The following MRTFB variants were observed in gnomAD, a reference collection of about 807,000 sequenced individuals.
The protein encoded by MRTFB is myocardin related transcription factor B.
In MRTFB, 29 loss-of-function variants were observed where a neutral mutation model predicts 104.2. That is an observed-to-expected ratio of 0.28 (90% CI 0.21 to 0.38). MRTFB has a LOEUF of 0.38. MRTFB is among the 10% of genes least tolerant of loss of function. The pLI, the probability that MRTFB is intolerant of heterozygous loss-of-function variation, is 1.00. For missense variants in MRTFB, 1,270 were observed against 1,341.6 expected, an observed-to-expected ratio of 0.95 and a Z score of 0.83; for synonymous variants, 535 against 519.5, an observed-to-expected ratio of 1.03 and a Z score of -0.41.
chr16:14,223,123 A>C (rs2041814701), intron 8 of MRTFB, among the ~76,000 whole-genome samples: 1 of 152,174 alleles, frequency 6.6e-6, no homozygotes, highest in Non-Finnish European at 1.5e-5. Flanking sequence ...CCTGGGCATC[A>C]TAGTGAGACC....
rs898213306 is a variant in MRTFB, at chr16:14,137,492, T to C, written c.-63-3052T>C. On this transcript the variant is annotated intron_variant, in intron 2 of 16. Transcript: ENST00000571589. The stretch of plus-strand genomic sequence containing the variant: ...CATTAGCACTGATGTTCAGAGCTTG[T>C]ACATCTTTCAATTATAAGGGCATTA... Among the ~76,000 whole-genome samples the C allele has an allele frequency of 4.6e-5, 7 of 152,200 alleles. No individual in the cohort carries two copies. The East Asian group carries it at 1.3e-3, about 29-fold the overall frequency.
intron 3 of MRTFB, among the ~76,000 whole-genome samples, chr16:14,207,228 G>C (rs144792135): frequency 1.2e-3 from 184 of 152,254 alleles, no homozygotes; most frequent in African/African-American, 4.2e-3. Flanking sequence ...TGATGAGAGC[G>C]TTAATTGGGG....
At chr16:14,254,730 C>T (rs78460427) in intron 15 of MRTFB, among the ~76,000 whole-genome samples, 2,979 of 152,324 alleles carry the variant, frequency 0.02, 113 homozygotes, top group African/African-American at 0.068. Context: ...CTGAGAATAA[C>T]AGCAGAATTC....
chr16:14,219,068 TAC>T lies in MRTFB; in HGVS notation c.693+73_693+74del, dbSNP rs1169673041. 3 of 1,386,114 alleles carry T rather than the reference TAC, an allele frequency of 2.2e-6. No homozygotes were observed. The African/African-American group carries it at 4.4e-5, about 20-fold the overall frequency. 85.9% of individuals were successfully genotyped at this position (1,386,114 alleles called of 1,614,324 possible). ...GTTTTTTTTTAATATATTAAGGTAA[TAC>T]ACTTTGACCAGAAGAAAATTCTGAA... On this transcript the variant is annotated intron_variant, in intron 8 of 16. Coordinates refer to ENST00000571589, the MANE Select transcript of MRTFB (RefSeq NM_001308142.2).
Position 14,212,391 on chromosome 16 carries a change from A to G in MRTFB, c.258A>G (p.Lys86=). 6.2e-7 allele frequency: 1 copy of G among 1,613,940 alleles called. No individual in the cohort carries two copies. Among genetic ancestry groups the G allele is most frequent in the Non-Finnish European group, 8.5e-7 (1 of 1,179,872 alleles). ...CAGCGGCATTCCATGAACAGATAAA[A>G]AGCTTGGAACGAGCCAGAGTAAGAC... ...KSPAAFHEQI[K]SLERARTENF... is the part of the protein sequence containing the mutation. Residue 86 remains lysine, a synonymous_variant, in exon 5 of 17, where the codon AAA becomes AAG. Coordinates refer to ENST00000571589, the MANE Select transcript of MRTFB (RefSeq NM_001308142.2).
intron 2 of MRTFB, among the ~76,000 whole-genome samples, chr16:14,098,575 T>C (rs2035524817): frequency 6.6e-6 from 1 of 152,222 alleles, no homozygotes; most frequent in Admixed American, 6.5e-5. Context: ...GTTCAATTTA[T>C]CAATTTTTTA....
chr16:14,037,095 T>A, the MRTFB span, among the ~76,000 whole-genome samples: 1 of 152,186 alleles, frequency 6.6e-6, no homozygotes, highest in African/African-American at 2.4e-5. Flanking sequence ...AGACCAGATG[T>A]GGCCGATGGG....
At chr16:14,106,236 TG>T (rs2035969109) in intron 2 of MRTFB, among the ~76,000 whole-genome samples, 1 of 151,944 alleles carries the variant, frequency 6.6e-6, no homozygotes, top group Non-Finnish European at 1.5e-5. Context: ...TGGCAGTGAG[TG>T]CCAGGTGCAG....
At chr16:14,132,389 G>A (rs945067153) in intron 2 of MRTFB, among the ~76,000 whole-genome samples, 3 of 151,766 alleles carry the variant, frequency 2.0e-5, no homozygotes, top group East Asian at 1.9e-4. Context: ...ATTAAAAGAC[G>A]ACCAAATTTT....
the MRTFB span, among the ~76,000 whole-genome samples, chr16:14,006,300 G>A: frequency 3.1e-3 from 468 of 152,096 alleles, 3 homozygotes; most frequent in African/African-American, 0.011. Context: ...CCGAGATTGT[G>A]TCATTGCACT....
At chr16:14,012,258 T>C in the MRTFB span, among the ~76,000 whole-genome samples, 1 of 148,920 alleles carries the variant, frequency 6.7e-6, no homozygotes, top group Non-Finnish European at 1.5e-5. Context: ...AGACAGAGTC[T>C]CGGGCAGGCA....
chr16:14,217,403 T>C, intron 7 of MRTFB, 116 bp downstream of exon 7: 1 of 844,662 alleles, frequency 1.2e-6, no homozygotes, highest in East Asian at 2.6e-5. Flanking sequence ...CTGGGTTAAT[T>C]AGAAATTAAC....
intron 6 of MRTFB, chr16:14,214,788 G>C (rs761704423): frequency 6.6e-6 from 1 of 152,210 alleles, no homozygotes; most frequent in Non-Finnish European, 1.5e-5. Flanking sequence ...GAACTTCGAA[G>C]CATCAAGGTG....
chr16:14,235,425 C>G (rs781743459), intron 9 of MRTFB, among the ~76,000 whole-genome samples: 11 of 152,206 alleles, frequency 7.2e-5, no homozygotes, highest in Non-Finnish European at 1.2e-4. Context: ...CACAGAGGGT[C>G]TGCGTGCACA....
chr16:14,142,960 G>C (rs753675986), intron 3 of MRTFB: 19 of 152,194 alleles, frequency 1.2e-4, no homozygotes, highest in Non-Finnish European at 2.5e-4. Context: ...TAGAAGGATT[G>C]CTTTAACCAC....
chr16:14,158,776 A>G (rs953704593), intron 3 of MRTFB, among the ~76,000 whole-genome samples: 2 of 152,136 alleles, frequency 1.3e-5, no homozygotes, highest in African/African-American at 4.8e-5. Context: ...TACCTTGTTG[A>G]ACTTGCCTAG....
At chr16:14,038,018 C>A in the MRTFB span, among the ~76,000 whole-genome samples, 1 of 152,192 alleles carries the variant, frequency 6.6e-6, no homozygotes, top group Non-Finnish European at 1.5e-5. Flanking sequence ...CATACCTGGG[C>A]TGTTATTACT....
intron 4 of MRTFB, 115 bp downstream of exon 4, chr16:14,210,423 T>A: frequency 1.4e-6 from 1 of 729,376 alleles, no homozygotes; most frequent in Non-Finnish European, 2.2e-6. Flanking sequence ...AACAAACAAT[T>A]ACCAAATGAA....
rs997128106 is a variant in MRTFB, at chr16:14,265,872, A to G, written c.*4428A>G. 9 of 152,234 alleles carry G rather than the reference A, an allele frequency of 5.9e-5. No individual in the cohort carries two copies. Among genetic ancestry groups the G allele is most frequent in the African/African-American group, 1.9e-4 (8 of 41,456 alleles). 9.4% of individuals were successfully genotyped at this position (152,234 alleles called of 1,614,324 possible). A position where few individuals can be genotyped will look rare whatever the true frequency, so the allele number is the denominator to read the frequency against. On this transcript the variant is annotated 3_prime_UTR_variant, in exon 17 of 17. Transcript: ENST00000571589. ...TGTTATCAGAGATATCATCACATCT[A>G]TAGTGTTTAACAGAGCTTTATGCCA...
Sources: gnomAD v4.1 joint callset for allele counts (sites outside exome capture counted in the v4.1 genomes callset) on GRCh38, gnomAD v4.1.1 for gene constraint, MANE v1.5 for transcripts, NCBI Gene and HGNC (gene_info 2026-07-23, HGNC 2026-07-21) for gene names.